MPP3: variants seen among roughly 807,000 people sequenced by gnomAD.
The protein encoded by MPP3 is MAGUK p55 scaffold protein 3, also known as MAGUK p55 subfamily member 3.
Under a neutral mutation model 80.7 loss-of-function variants are expected in MPP3, and 48 were observed. The observed-to-expected ratio is 0.59, with a 90% confidence interval of 0.47 to 0.76. The LOEUF (loss-of-function observed/expected upper bound fraction) is 0.76, where lower values mean the gene tolerates loss of function less well. Ranked by LOEUF, MPP3 falls within the 30% of genes least tolerant of loss-of-function variation. The pLI is 0.00. For missense variants in MPP3, 620 were observed against 763.0 expected, an observed-to-expected ratio of 0.81 and a Z score of 2.21; for synonymous variants, 311 against 297.6, an observed-to-expected ratio of 1.04 and a Z score of -0.46.
At chr17:43,802,281 T>C (rs2044443447) in intron 19 of MPP3, among the ~76,000 whole-genome samples, 1 of 152,206 alleles carries the variant, frequency 6.6e-6, no homozygotes, top group South Asian at 2.1e-4. Flanking sequence ...TAAATAATTA[T>C]AAGAAAGAAC....
In MPP3 at chr17:43,811,397, T is replaced by A. The variant is rs1009857911; in HGVS notation, c.1256-192A>T. Reference sequence around the variant, plus strand: ...GCGTATCACTGATTCACACAACAACTCTTTGATGTAGGCAAAAGGAGGCTT... The same window carrying A: ...GCGTATCACTGATTCACACAACAACACTTTGATGTAGGCAAAAGGAGGCTT... On this transcript the variant is annotated intron_variant, in intron 16 of 19. Coordinates refer to ENST00000398389, the MANE Select transcript of MPP3 (RefSeq NM_001932.6). 5.1e-6 allele frequency: 3 copies of A among 583,932 alleles called. No homozygotes were observed. The Admixed American group carries it at 8.9e-5, about 17-fold the overall frequency. 36.2% of individuals were successfully genotyped at this position (583,932 alleles called of 1,614,324 possible). A position where few individuals can be genotyped will look rare whatever the true frequency, so the allele number is the denominator to read the frequency against.
At chr17:43,811,237 A>G in intron 16 of MPP3, 32 bp from the exon 17 acceptor site, 2 of 1,551,816 alleles carry the variant, frequency 1.3e-6, no homozygotes, top group Non-Finnish European at 1.8e-6. Context: ...CTGGGCAAAG[A>G]GATGTCACAT....
intron 7 of MPP3, 115 bp downstream of exon 7, chr17:43,829,539 G>T (rs2045862186): frequency 7.9e-7 from 1 of 1,262,994 alleles, no homozygotes; most frequent in Non-Finnish European, 1.1e-6. Flanking sequence ...AGCAGCGCAG[G>T]CAAAGCTGCC....
intron 19 of MPP3, among the ~76,000 whole-genome samples, chr17:43,804,861 C>T (rs752583235): frequency 7.9e-5 from 12 of 152,172 alleles, no homozygotes; most frequent in Admixed American, 3.3e-4. Flanking sequence ...ACTAAAAATA[C>T]GAAGGAAATT....
chr17:43,829,592 T>C, intron 7 of MPP3, 62 bp downstream of exon 7: 1 of 1,588,312 alleles, frequency 6.3e-7, no homozygotes, highest in Non-Finnish European at 8.6e-7. Context: ...TGTCCAGTGT[T>C]CTGGGTGGGG....
chr17:43,815,886 G>T, intron 14 of MPP3, 152 bp downstream of exon 14: 1 of 765,228 alleles, frequency 1.3e-6, no homozygotes, highest in Non-Finnish European at 2.1e-6. Context: ...TCCTGCTTGG[G>T]TTGAGAGAAC....
intron 10 of MPP3, among the ~76,000 whole-genome samples, chr17:43,822,678 T>TA (rs56125167): frequency 1.9e-4 from 11 of 59,068 alleles, no homozygotes; most frequent in African/African-American, 5.3e-4. Context: ...ACTCCCATCC[T>TA]AAAAAAAAAA....
intron 15 of MPP3, 40 bp downstream of exon 15, chr17:43,814,157 G>A: frequency 6.2e-7 from 1 of 1,608,242 alleles, no homozygotes; most frequent in Non-Finnish European, 8.5e-7. Context: ...CTCCAGGGAG[G>A]AAACCAGATC....
At chr17:43,823,544 C>T (rs2045560053) in intron 10 of MPP3, among the ~76,000 whole-genome samples, 1 of 152,232 alleles carries the variant, frequency 6.6e-6, no homozygotes, top group Non-Finnish European at 1.5e-5. Flanking sequence ...TCTCCAGCAT[C>T]TGGCAGAGTG....
intron 10 of MPP3, among the ~76,000 whole-genome samples, 191 bp downstream of exon 10, chr17:43,823,740 G>A (rs985653068): frequency 1.3e-5 from 2 of 152,156 alleles, no homozygotes; most frequent in Non-Finnish European, 2.9e-5. Context: ...TGTTTAGAAA[G>A]AGGCAGGATA....
intron 7 of MPP3, among the ~76,000 whole-genome samples, 174 bp downstream of exon 7, chr17:43,829,480 C>T (rs1484966314): frequency 6.6e-6 from 1 of 152,072 alleles, no homozygotes; most frequent in Non-Finnish European, 1.5e-5. Flanking sequence ...GGGCTGTATC[C>T]ACCTAGAGAA....
intron 8 of MPP3, 99 bp downstream of exon 8, chr17:43,827,652 T>G (rs1361363024): frequency 1.8e-6 from 2 of 1,117,968 alleles, no homozygotes; most frequent in Non-Finnish European, 2.6e-6. Flanking sequence ...ACAGGTGACC[T>G]GATAGGAGGG....
At chr17:43,812,767 A>G (rs1384916201) in intron 16 of MPP3, among the ~76,000 whole-genome samples, 2 of 152,142 alleles carry the variant, frequency 1.3e-5, no homozygotes, top group Non-Finnish European at 2.9e-5. Flanking sequence ...GGGGTTCTGA[A>G]CGATCAGTGT....
chr17:43,829,558 C>A, intron 7 of MPP3, 96 bp downstream of exon 7: 1 of 1,459,922 alleles, frequency 6.8e-7, no homozygotes, highest in Non-Finnish European at 9.3e-7. Flanking sequence ...CCGTCACTCA[C>A]TCTGAAGACT....
chr17:43,827,652 T>C, intron 8 of MPP3, 99 bp downstream of exon 8: 1 of 1,118,086 alleles, frequency 8.9e-7, no homozygotes, highest in South Asian at 1.3e-5. Flanking sequence ...ACAGGTGACC[T>C]GATAGGAGGG....
rs1323723857 is a variant in MPP3, at chr17:43,810,337, G to A, written c.1458+470C>T. 3.3e-5 allele frequency among the ~76,000 whole-genome samples: 5 copies of A among 152,104 alleles called. No homozygotes were observed. The East Asian group carries it at 7.7e-4, about 23-fold the overall frequency. ...TTTTTGAAGCACTTCCCAGGGCCGTGTCTCCCTCCCTCTTTTTCCCCTTTA... is the reference window on the plus strand; with the variant it reads ...TTTTTGAAGCACTTCCCAGGGCCGTATCTCCCTCCCTCTTTTTCCCCTTTA... On this transcript the variant is annotated intron_variant, in intron 18 of 19. Coordinates refer to ENST00000398389, the MANE Select transcript of MPP3 (RefSeq NM_001932.6).
At chr17:43,812,513 C>T (rs1356701920) in intron 16 of MPP3, among the ~76,000 whole-genome samples, 1 of 152,186 alleles carries the variant, frequency 6.6e-6, no homozygotes, top group Non-Finnish European at 1.5e-5. Context: ...TCTCCCCGGT[C>T]CCCAACACTG....
In MPP3 at chr17:43,820,951, G is replaced by C; in HGVS notation, c.792C>G (p.Ser264Arg). ...FQRRQVLEVVSQDDPTWWQAK... is the reference protein window; with the variant it reads ...FQRRQVLEVVRQDDPTWWQAK... ...CCTGCCACCACGTGGGGTCGTCCTG[G>C]CTCACCACCTCCAGGACCTGCCTGC... The change falls in exon 11 of 20, where the codon AGC becomes AGG. Residue 264 changes from serine to arginine, a missense_variant. By Grantham distance (110) the Ser-to-Arg change is moderately radical. Transcript: ENST00000398389. 6.2e-7 allele frequency: 1 copy of C among 1,612,882 alleles called. No individual in the cohort carries two copies.
chr17:43,826,648 T>C (rs911908820), intron 8 of MPP3, among the ~76,000 whole-genome samples: 1 of 152,086 alleles, frequency 6.6e-6, no homozygotes, highest in African/African-American at 2.4e-5. Flanking sequence ...ACAAACACTC[T>C]CTTTGTAATA....
Sources: gnomAD v4.1 joint callset for allele counts (sites outside exome capture counted in the v4.1 genomes callset) on GRCh38, gnomAD v4.1.1 for gene constraint, MANE v1.5 for transcripts, NCBI Gene and HGNC (gene_info 2026-07-23, HGNC 2026-07-21) for gene names.